The following ARPP21 variants were observed in gnomAD, a reference collection of about 807,000 sequenced individuals.
The protein encoded by ARPP21 is cAMP-regulated phosphoprotein 21.
Under a neutral mutation model 113.2 loss-of-function variants are expected in ARPP21, and 69 were observed. The observed-to-expected ratio is 0.61, with a 90% CI of 0.50 to 0.74. ARPP21 has a LOEUF of 0.74. Ranked by LOEUF, ARPP21 falls within the 30% of genes least tolerant of loss-of-function variation. The pLI is 0.00. For synonymous variants in ARPP21, 368 were observed against 375.5 expected (o/e 0.98, Z 0.23); for missense variants, 1,070 against 1,037.4 (o/e 1.03, Z -0.43).
At chr3:35,775,945 G>A (rs997942029) in intron 19 of ARPP21, among the ~76,000 whole-genome samples, 1 of 152,086 alleles carries the variant, frequency 6.6e-6, no homozygotes, top group Non-Finnish European at 1.5e-5. Context: ...TGCATAAAGT[G>A]TAATATTTTC....
At chr3:35,774,302 A>G (rs1423839400) in intron 19 of ARPP21, among the ~76,000 whole-genome samples, 1 of 152,316 alleles carries the variant, frequency 6.6e-6, no homozygotes, top group Admixed American at 6.5e-5. Context: ...TGAAAATATT[A>G]CTATGTGAGA....
At chr3:35,667,840 C>A (rs9839090) in intron 1 of ARPP21, among the ~76,000 whole-genome samples, 1 of 70,840 alleles carries the variant, frequency 1.4e-5, no homozygotes, top group Non-Finnish European at 2.6e-5. Flanking sequence ...CTTTTATTCT[C>A]AAAGAAGAAG....
At chr3:35,738,937 T>C (rs1179173874) in intron 17 of ARPP21, among the ~76,000 whole-genome samples, 1 of 152,144 alleles carries the variant, frequency 6.6e-6, no homozygotes, top group Non-Finnish European at 1.5e-5. Context: ...TTATGGGTGT[T>C]CTCGAGAGGC....
intron 19 of ARPP21, among the ~76,000 whole-genome samples, chr3:35,774,175 G>A (rs147017373): frequency 3.9e-4 from 59 of 152,236 alleles, no homozygotes; most frequent in African/African-American, 1.1e-3. Flanking sequence ...CCAGCTACTC[G>A]GGAGGCTGAG....
intron 9 of ARPP21, among the ~76,000 whole-genome samples, chr3:35,692,133 A>G (rs1407811860): frequency 6.6e-6 from 1 of 151,676 alleles, no homozygotes; most frequent in Non-Finnish European, 1.5e-5. Context: ...TGTGGGCTTC[A>G]AATTACTTAT....
intron 13 of ARPP21, among the ~76,000 whole-genome samples, chr3:35,721,044 T>A (rs899594184): frequency 6.6e-6 from 1 of 152,224 alleles, no homozygotes; most frequent in Non-Finnish European, 1.5e-5. Context: ...ATAGAGTAAT[T>A]TCTGTGATTT....
chr3:35,674,845 C>A (rs2077101431), intron 1 of ARPP21, among the ~76,000 whole-genome samples: 1 of 151,840 alleles, frequency 6.6e-6, no homozygotes, highest in African/African-American at 2.4e-5. Context: ...TATTTGTAGG[C>A]TCGTTCACAA....
rs1452007859 is a variant in ARPP21 at position 35,679,888 on chromosome 3, G to T, written c.-111G>T. ...CCAGTTGTCTCTGATCACTTGTGTG[G>T]ATTTTCCTGGCGTAGAACGACAGAA... On this transcript the variant is annotated 5_prime_UTR_variant, in exon 2 of 21. Transcript: ENST00000684406. The T allele has an allele frequency of 1.3e-5, 2 of 152,336 alleles. No individual in the cohort carries two copies. Among genetic ancestry groups the T allele is most frequent in the Admixed American group, 1.3e-4 (2 of 15,236 alleles). 9.4% of individuals were successfully genotyped at this position (152,336 alleles called of 1,614,324 possible).
intron 14 of ARPP21, among the ~76,000 whole-genome samples, chr3:35,727,869 A>G (rs982508603): frequency 1.3e-5 from 2 of 152,124 alleles, no homozygotes; most frequent in South Asian, 2.1e-4. Flanking sequence ...TGAGTGCCCA[A>G]TGGATATATT....
intron 19 of ARPP21, among the ~76,000 whole-genome samples, chr3:35,749,796 A>T (rs62259488): frequency 6.6e-6 from 1 of 152,046 alleles, no homozygotes; most frequent in Non-Finnish European, 1.5e-5. Flanking sequence ...GTAGTTTGTG[A>T]TCATTAAGGT....
At chr3:35,742,323 A>G (rs2094717948) in intron 18 of ARPP21, among the ~76,000 whole-genome samples, 1 of 152,240 alleles carries the variant, frequency 6.6e-6, no homozygotes, top group South Asian at 2.1e-4. Flanking sequence ...GAGGCATCTG[A>G]TGCATAATGG....
chr3:35,792,604 C>T (rs1289728111), intron 20 of ARPP21, 74 bp downstream of exon 20: 2 of 1,453,654 alleles, frequency 1.4e-6, no homozygotes, highest in Non-Finnish European at 1.9e-6. Flanking sequence ...GGGTCTGTCC[C>T]TGGTTTGGGT....
At chr3:35,669,806 C>G (rs1321932528) in intron 1 of ARPP21, among the ~76,000 whole-genome samples, 1 of 152,138 alleles carries the variant, frequency 6.6e-6, no homozygotes, top group Non-Finnish European at 1.5e-5. Context: ...ATGTACAAAG[C>G]TAATTACCCC....
At chr3:35,649,276 A>G (rs1283756216) in intron 1 of ARPP21, among the ~76,000 whole-genome samples, 1 of 152,158 alleles carries the variant, frequency 6.6e-6, no homozygotes, top group Non-Finnish European at 1.5e-5. Context: ...CTGCCCTTAT[A>G]TGTAGAATTG....
At chr3:35,706,900 A>T in intron 9 of ARPP21, 74 bp from the exon 10 acceptor site, 2 of 1,115,214 alleles carry the variant, frequency 1.8e-6, no homozygotes, top group Non-Finnish European at 2.6e-6. Flanking sequence ...ACTGTGGGGG[A>T]AGAACAACAC....
chr3:35,769,871 G>C (rs1189324678), intron 19 of ARPP21, among the ~76,000 whole-genome samples: 3 of 152,182 alleles, frequency 2.0e-5, no homozygotes, highest in African/African-American at 7.2e-5. Context: ...TTGCTTGGAA[G>C]GGCATATGGT....
At chr3:35,673,073 G>A (rs1453668050) in intron 1 of ARPP21, among the ~76,000 whole-genome samples, 8 of 152,054 alleles carry the variant, frequency 5.3e-5, no homozygotes, top group African/African-American at 1.9e-4. Context: ...TTTCATTGGT[G>A]TGGTTGTTGA....
chr3:35,790,611 T>C (rs1038014058), intron 19 of ARPP21, among the ~76,000 whole-genome samples: 14 of 152,214 alleles, frequency 9.2e-5, no homozygotes, highest in African/African-American at 3.4e-4. Context: ...ACATTTCTTG[T>C]TCCCAGGTCT....
In ARPP21 at chr3:35,683,776, A is replaced by G; in HGVS notation, c.222A>G (p.Glu74=). The change falls in exon 5 of 21, where the codon GAA becomes GAG. Residue 74 remains glutamate (E), a synonymous_variant. Coordinates refer to ENST00000684406, the MANE Select transcript of ARPP21 (RefSeq NM_001385562.1). ...KLTRSLAVCE[E]SSARPGGESL... is the part of the protein sequence containing the mutation. ...CTCGCAGCCTTGCTGTCTGTGAGGA[A>G]TCTTCTGCCAGACCAGGAGGTGAAA... 1.3e-6 allele frequency: 2 copies of G among 1,554,430 alleles called. No individual in the cohort carries two copies. Among genetic ancestry groups the G allele is most frequent in the Non-Finnish European group, 1.8e-6 (2 of 1,127,356 alleles).
Sources: gnomAD v4.1 joint callset for allele counts (sites outside exome capture counted in the v4.1 genomes callset) on GRCh38, gnomAD v4.1.1 for gene constraint, MANE v1.5 for transcripts, NCBI Gene and HGNC (gene_info 2026-07-23, HGNC 2026-07-21) for gene names.